Variants in MGAT4C observed in about 807,000 individuals in gnomAD.
MGAT4C encodes the protein alpha-1,3-mannosyl-glycoprotein 4-beta-N-acetylglucosaminyltransferase C.
MGAT4C carries 19 observed loss-of-function variants against 40.1 expected under a neutral mutation model. The observed-to-expected ratio is 0.47, with a 90% CI of 0.33 to 0.70. The LOEUF (loss-of-function observed/expected upper bound fraction) is 0.70. MGAT4C is among the 30% of genes least tolerant of loss of function. The pLI is 0.02. For synonymous variants in MGAT4C, 181 were observed against 187.1 expected, an observed-to-expected ratio of 0.97 and a Z score of 0.27; for missense variants, 491 against 563.2, an observed-to-expected ratio of 0.87 and a Z score of 1.30.
intron 2 of MGAT4C, among the ~76,000 whole-genome samples, chr12:86,520,232 C>G (rs1958769243): frequency 2.6e-5 from 4 of 152,068 alleles, no homozygotes; most frequent in Admixed American, 2.0e-4. Flanking sequence ...GTCATCCACC[C>G]TCCAATAGGT....
intron 2 of MGAT4C, among the ~76,000 whole-genome samples, chr12:86,650,988 C>T (rs1963680400): frequency 6.6e-6 from 1 of 151,776 alleles, no homozygotes; most frequent in Non-Finnish European, 1.5e-5. Context: ...CTGTCTTATC[C>T]TTGAGGGCAT....
At chr12:86,143,748 T>G (rs1048771378) in intron 1 of MGAT4C, among the ~76,000 whole-genome samples, 2 of 151,978 alleles carry the variant, frequency 1.3e-5, no homozygotes, top group South Asian at 2.1e-4. Flanking sequence ...AAATTAGAAG[T>G]AAGAAGAAAA....
intron 1 of MGAT4C, among the ~76,000 whole-genome samples, chr12:86,754,484 C>T (rs1022084790): frequency 6.6e-6 from 1 of 151,778 alleles, no homozygotes; most frequent in African/African-American, 2.4e-5. Context: ...TATTATAGTT[C>T]AATTATATCT....
chr12:86,497,336 T>C (rs1027786414), intron 2 of MGAT4C, among the ~76,000 whole-genome samples: 3 of 151,982 alleles, frequency 2.0e-5, no homozygotes, highest in African/African-American at 7.2e-5. Flanking sequence ...GCAGCGTTTT[T>C]GATGCTTTGA....
intron 1 of MGAT4C, among the ~76,000 whole-genome samples, chr12:86,157,001 G>A (rs911087885): frequency 2.0e-5 from 3 of 151,688 alleles, no homozygotes; most frequent in African/African-American, 7.3e-5. Context: ...TTAGGCCCTG[G>A]ATACTGCAGA....
At chr12:86,539,893 G>T (rs1959143544) in intron 2 of MGAT4C, among the ~76,000 whole-genome samples, 1 of 152,226 alleles carries the variant, frequency 6.6e-6, no homozygotes, top group Admixed American at 6.5e-5. Flanking sequence ...TTGTAAATTT[G>T]TTTAAGTTCT....
chr12:86,380,007 T>C (rs1955899204), intron 3 of MGAT4C, among the ~76,000 whole-genome samples: 1 of 152,102 alleles, frequency 6.6e-6, no homozygotes, highest in Non-Finnish European at 1.5e-5. Flanking sequence ...TTTCACTCTA[T>C]GAATTTTAAG....
At chr12:86,327,274 C>T (rs138064384) in intron 4 of MGAT4C, among the ~76,000 whole-genome samples, 4 of 151,734 alleles carry the variant, frequency 2.6e-5, no homozygotes, top group Non-Finnish European at 4.4e-5. Flanking sequence ...TTGATCTTGT[C>T]TTTGTTTTAA....
intron 2 of MGAT4C, among the ~76,000 whole-genome samples, chr12:86,505,392 A>G (rs1958454814): frequency 6.6e-6 from 1 of 152,208 alleles, no homozygotes; most frequent in Admixed American, 6.5e-5. Flanking sequence ...GGTTTAATTT[A>G]ACATCCAATT....
intron 1 of MGAT4C, among the ~76,000 whole-genome samples, chr12:86,756,950 CAAATT>C (rs1167929610): frequency 1.3e-5 from 2 of 152,182 alleles, no homozygotes; most frequent in African/African-American, 4.8e-5. Flanking sequence ...TTTCTCAAAT[CAAATT>C]AAATTACATT....
upstream of MGAT4C, among the ~76,000 whole-genome samples, chr12:86,259,391 A>G (rs1288903391): frequency 1.3e-5 from 2 of 152,086 alleles, no homozygotes; most frequent in African/African-American, 2.4e-5. Context: ...GTTTTCTACT[A>G]TACTAAAATA....
intron 1 of MGAT4C, among the ~76,000 whole-genome samples, chr12:86,730,191 G>T (rs1950885533): frequency 1.3e-5 from 2 of 151,944 alleles, no homozygotes; most frequent in African/African-American, 2.4e-5. Flanking sequence ...TCACTGTAAA[G>T]AAATCAACTT....
intron 1 of MGAT4C, among the ~76,000 whole-genome samples, chr12:86,076,340 A>T (rs933641240): frequency 2.0e-5 from 3 of 152,196 alleles, no homozygotes; most frequent in African/African-American, 7.2e-5. Context: ...AAGTCATTCA[A>T]CAAGTTTCTA....
intron 2 of MGAT4C, among the ~76,000 whole-genome samples, chr12:86,041,823 G>A (rs1288445055): frequency 6.6e-6 from 1 of 152,146 alleles, no homozygotes; most frequent in African/African-American, 2.4e-5. Context: ...TTCTGTAGGT[G>A]TCTATTAGGT....
At chr12:86,343,453 C>G (rs1238839363) in intron 3 of MGAT4C, among the ~76,000 whole-genome samples, 3 of 152,020 alleles carry the variant, frequency 2.0e-5, no homozygotes, top group Non-Finnish European at 2.9e-5. Context: ...CATCCTAAAA[C>G]TGTTTTTTTT....
chr12:86,161,626 T>C (rs1381364263), intron 1 of MGAT4C, among the ~76,000 whole-genome samples: 1 of 151,950 alleles, frequency 6.6e-6, no homozygotes, highest in African/African-American at 2.4e-5. Flanking sequence ...GTTCACAAAA[T>C]CAATTGCAAT....
intron 4 of MGAT4C, among the ~76,000 whole-genome samples, chr12:86,309,316 C>G (rs1238939240): frequency 6.6e-6 from 1 of 152,164 alleles, no homozygotes; most frequent in Admixed American, 6.5e-5. Flanking sequence ...GTGCCCTAGT[C>G]CATTTTGTGT....
At chr12:86,472,824 G>C (rs1427967821) in intron 2 of MGAT4C, among the ~76,000 whole-genome samples, 1 of 151,978 alleles carries the variant, frequency 6.6e-6, no homozygotes, top group African/African-American at 2.4e-5. Flanking sequence ...AATTACAGTC[G>C]AGTTAAAAGA....
intron 3 of MGAT4C, among the ~76,000 whole-genome samples, chr12:86,374,486 C>T (rs531279909): frequency 3.3e-5 from 5 of 152,038 alleles, no homozygotes; most frequent in Admixed American, 6.6e-5. Flanking sequence ...TGAGTTTTCA[C>T]GGTTATACCA....
Sources: gnomAD v4.1 joint callset for allele counts (sites outside exome capture counted in the v4.1 genomes callset) on GRCh38, gnomAD v4.1.1 for gene constraint, MANE v1.5 for transcripts, NCBI Gene and HGNC (gene_info 2026-07-23, HGNC 2026-07-21) for gene names.